Variants in CELF1 observed in about 807,000 individuals in gnomAD.
The protein encoded by CELF1 is 50 kDa nuclear polyadenylated RNA-binding protein.
Under a neutral mutation model 61.8 loss-of-function variants are expected in CELF1, and 10 were observed. That is an observed-to-expected ratio of 0.16 (90% CI 0.10 to 0.27). The LOEUF (loss-of-function observed/expected upper bound fraction) is 0.27, where lower values mean the gene tolerates loss of function less well. Ranked by LOEUF, CELF1 falls within the 10% of genes least tolerant of loss-of-function variation. The probability of loss-of-function intolerance (pLI) is 1.00; values close to 1 mark genes in which losing one functional copy is unlikely to be tolerated. For synonymous variants in CELF1, 236 were observed against 225.1 expected (o/e 1.05, Z -0.43); for missense variants, 380 against 639.1 (o/e 0.59, Z 4.37).
At position 47,487,216 on chromosome 11, in the gene CELF1, G is replaced by C. The variant is rs894879130; in HGVS notation, c.285C>G (p.Thr95=). The C allele has an allele frequency of 1.2e-6, 2 of 1,612,132 alleles. No homozygotes were observed. The highest frequency in any genetic ancestry group is 1.7e-5 in the Admixed American group (1 of 59,978). ...SKGCCFVTFY[T]RKAALEAQNA... ...TCTGAGCTTCTAATGCAGCTTTACG[G>C]GTGTAAAATGTAACAAAACAGCACC... is the stretch of plus-strand genomic sequence containing the variant. Residue 95 remains threonine, a synonymous_variant, in exon 5 of 15, where the codon ACC becomes ACG. Coordinates refer to ENST00000687097, the MANE Select transcript of CELF1 (RefSeq NM_001376376.1).
intron 1 of CELF1, among the ~76,000 whole-genome samples, chr11:47,536,009 G>A (rs1411591418): frequency 1.3e-5 from 2 of 152,022 alleles, no homozygotes; most frequent in Non-Finnish European, 2.9e-5. Flanking sequence ...TGATCCGCCC[G>A]CCTCAGCCTC....
At position 47,533,539 on chromosome 11, in the gene CELF1, T is replaced by C. The variant is rs572088354; in HGVS notation, c.-154+19453A>G. Among the ~76,000 whole-genome samples the C allele has an allele frequency of 2.0e-5, 3 of 152,246 alleles. No individual in the cohort carries two copies. In the South Asian group the frequency reaches 6.2e-4, roughly 32 times the overall value. On this transcript the variant is annotated intron_variant, in intron 1 of 14. Transcript: ENST00000687097. ...CAGGAGGCTGAGGCAGGAGAACTGCTTAAACTCCGGAAGGCGGAAGTGGCA... is the reference window on the plus strand; with the variant it reads ...CAGGAGGCTGAGGCAGGAGAACTGCCTAAACTCCGGAAGGCGGAAGTGGCA...
rs549974156 is a variant in CELF1, at chr11:47,548,723, G to A, written c.-154+4269C>T. On this transcript the variant is annotated intron_variant, in intron 1 of 14. Coordinates refer to ENST00000687097, the MANE Select transcript of CELF1 (RefSeq NM_001376376.1). ...TCTACTAAAAATACAAAAATTAGCCGGGCGTGGTAGCGCATGACTGTAGTC... is the reference window on the plus strand; with the variant it reads ...TCTACTAAAAATACAAAAATTAGCCAGGCGTGGTAGCGCATGACTGTAGTC... Among the ~76,000 whole-genome samples the A allele has an allele frequency of 1.3e-3, 194 of 151,780 alleles. 1 individual carries two copies. The highest frequency in any genetic ancestry group is 4.3e-3 in the African/African-American group (176 of 41,368).
intron 9 of CELF1, among the ~76,000 whole-genome samples, chr11:47,480,385 C>T (rs1156936599): frequency 1.3e-5 from 2 of 152,200 alleles, no homozygotes; most frequent in African/African-American, 4.8e-5. Flanking sequence ...CCGCGCCTGG[C>T]CTTTTTCTTC....
intron 6 of CELF1, among the ~76,000 whole-genome samples, 161 bp from the exon 7 acceptor site, chr11:47,484,684 T>C (rs2085536105): frequency 6.6e-6 from 1 of 152,232 alleles, no homozygotes; most frequent in African/African-American, 2.4e-5. Context: ...CATCTCTTTT[T>C]TTCTTGTTTT....
At chr11:47,516,138 A>G (rs112890554) in intron 1 of CELF1, among the ~76,000 whole-genome samples, 2,403 of 150,694 alleles carry the variant, frequency 0.016, 49 homozygotes, top group African/African-American at 0.048. Flanking sequence ...CAGGAGGTGA[A>G]CTGAAATCAT....
intron 1 of CELF1, among the ~76,000 whole-genome samples, chr11:47,543,035 G>A (rs7115371): frequency 0.21 from 31,229 of 151,894 alleles, 3,716 homozygotes; most frequent in East Asian, 0.3. Context: ...CTGGAGGATC[G>A]CTTGAGCCCA....
At chr11:47,481,376 C>T (rs2153430742) in intron 9 of CELF1, among the ~76,000 whole-genome samples, 1 of 152,128 alleles carries the variant, frequency 6.6e-6, no homozygotes, top group Admixed American at 6.5e-5. Context: ...GCGATCCACT[C>T]ACCTCAGCCT....
chr11:47,545,917 T>TA lies in CELF1; in HGVS notation c.-154+7074_-154+7075insT, dbSNP rs1565909148. 3.6e-3 allele frequency among the ~76,000 whole-genome samples: 332 copies of TA among 91,816 alleles called. 3 individuals are homozygous for TA. The highest frequency in any genetic ancestry group is 0.012 in the African/African-American group (232 of 20,008). The allele number at this position is 91,816 out of a possible 152,430, so 60.2% of individuals were successfully genotyped here. On this transcript the variant is annotated intron_variant, in intron 1 of 14. Transcript: ENST00000687097. ...TGTGTGTGTGTGTGTATATATATAT[T>TA]TTTTTTTTTTTGAGATGGAGTCTCC...
At chr11:47,483,263 T>C (rs1418164739) in intron 8 of CELF1, among the ~76,000 whole-genome samples, 190 bp downstream of exon 8, 1 of 151,906 alleles carries the variant, frequency 6.6e-6, no homozygotes, top group African/African-American at 2.4e-5. Context: ...AGACCCCATC[T>C]CAAAAAAAGG....
At chr11:47,516,880 G>A (rs2095584094) in intron 1 of CELF1, among the ~76,000 whole-genome samples, 2 of 152,042 alleles carry the variant, frequency 1.3e-5, no homozygotes, top group African/African-American at 2.4e-5. Context: ...TGGGATTACA[G>A]ACATGAGCCA....
At position 47,558,722 on chromosome 11, in the gene CELF1, CAT is replaced by C. The variant is rs1257961679; in HGVS notation, c.-11+5627_-11+5628del. 1.7e-3 allele frequency among the ~76,000 whole-genome samples: 122 copies of C among 72,434 alleles called. 1 individual carries two copies. The highest frequency in any genetic ancestry group is 4.9e-3 in the Admixed American group (27 of 5,548). The allele number at this position is 72,434 out of a possible 152,430, so 47.5% of individuals were successfully genotyped here. ...TATGTCATAATATATAATATTATGA[CAT>C]ATATTATATATAATTGTATATATAA... On this transcript the variant is annotated intron_variant, in intron 2 of 3. Coordinates refer to the CELF1 transcript ENST00000525841.
intron 2 of CELF1, among the ~76,000 whole-genome samples, chr11:47,558,671 TA>T (rs2097215110): frequency 9.4e-6 from 1 of 106,048 alleles, no homozygotes; most frequent in Non-Finnish European, 1.8e-5. Flanking sequence ...TTACATAATA[TA>T]ATATGTAATA....
At chr11:47,527,218 A>G (rs73461757) in intron 1 of CELF1, among the ~76,000 whole-genome samples, 3,143 of 151,810 alleles carry the variant, frequency 0.021, 125 homozygotes, top group African/African-American at 0.072. Flanking sequence ...AGGAGACCTC[A>G]TCTCTACAGA....
rs2076860455 is a variant in CELF1 at position 47,467,471 on chromosome 11, G to A, written c.*4759C>T. The A allele has an allele frequency of 6.6e-6, 1 of 152,334 alleles. No homozygotes were observed. Among genetic ancestry groups the A allele is most frequent in the Non-Finnish European group, 1.5e-5 (1 of 68,148 alleles). The allele number at this position is 152,334 out of a possible 1,614,324, so 9.4% of individuals were successfully genotyped here. On this transcript the variant is annotated 3_prime_UTR_variant, in exon 15 of 15. Transcript: ENST00000687097. ...TAAGCAAGAGCAGAGCTGTGATGAA[G>A]AGCCAGTGCCGGGTGGCTGGTGCCC... is the stretch of plus-strand genomic sequence containing the variant.
intron 1 of CELF1, among the ~76,000 whole-genome samples, chr11:47,551,255 C>T (rs1261745204): frequency 6.6e-6 from 1 of 152,102 alleles, no homozygotes; most frequent in African/African-American, 2.4e-5. Flanking sequence ...GAAGTTGAGG[C>T]CTGTGATCTG....
intron 1 of CELF1, chr11:47,513,589 A>G (rs2095367658): frequency 6.6e-6 from 1 of 151,752 alleles, no homozygotes; most frequent in African/African-American, 2.4e-5. Flanking sequence ...CCTTCCGAGT[A>G]GCTGGGACTA....
At chr11:47,519,479 CTAAATAAATAAA>C (rs59610157) in intron 1 of CELF1, among the ~76,000 whole-genome samples, 37,610 of 144,848 alleles carry the variant, frequency 0.26, 5,506 homozygotes, top group Admixed American at 0.34. Context: ...GACTCCATCT[CTAAATAAATAAA>C]TAAATAAATA....
chr11:47,500,341 G>T (rs2093742141), intron 2 of CELF1, among the ~76,000 whole-genome samples: 1 of 152,110 alleles, frequency 6.6e-6, no homozygotes, highest in South Asian at 2.1e-4. Flanking sequence ...CCTTTGTTCA[G>T]TAACACTCAT....
Sources: gnomAD v4.1 joint callset for allele counts (sites outside exome capture counted in the v4.1 genomes callset) on GRCh38, gnomAD v4.1.1 for gene constraint, MANE v1.5 for transcripts, NCBI Gene and HGNC (gene_info 2026-07-23, HGNC 2026-07-21) for gene names.